UNC13C: variants seen among roughly 807,000 people sequenced by gnomAD.
The protein encoded by UNC13C is protein unc-13 homolog C.
UNC13C carries 174 observed loss-of-function variants against 245.4 expected under a neutral mutation model. The observed-to-expected ratio is 0.71, with a 90% CI of 0.63 to 0.80. The LOEUF is 0.80. UNC13C is among the 30% of genes least tolerant of loss of function. UNC13C has a pLI of 0.00. For synonymous variants in UNC13C, 992 were observed against 895.1 expected (o/e 1.11, Z -1.93); for missense variants, 2,829 against 2,602.9 (o/e 1.09, Z -1.89).
At chr15:54,130,771 G>T (rs2031369286) in intron 2 of UNC13C, among the ~76,000 whole-genome samples, 1 of 152,088 alleles carries the variant, frequency 6.6e-6, no homozygotes, top group South Asian at 2.1e-4. Context: ...CACTTCCGTA[G>T]TTAATTCTTA....
chr15:54,403,195 C>G (rs2040222362), intron 18 of UNC13C, among the ~76,000 whole-genome samples: 1 of 152,166 alleles, frequency 6.6e-6, no homozygotes, highest in African/African-American at 2.4e-5. Flanking sequence ...TGGCCATCTC[C>G]AACTCCTTTG....
chr15:54,455,975 A>C (rs1891499390), intron 19 of UNC13C, among the ~76,000 whole-genome samples: 1 of 152,080 alleles, frequency 6.6e-6, no homozygotes, highest in Non-Finnish European at 1.5e-5. Flanking sequence ...TTCTGATGTT[A>C]TCTTCTAGAA....
intron 2 of UNC13C, among the ~76,000 whole-genome samples, chr15:54,084,789 C>T (rs569316007): frequency 3.3e-5 from 5 of 152,298 alleles, no homozygotes; most frequent in Non-Finnish European, 7.4e-5. Flanking sequence ...ACTCTCTTCT[C>T]ATATAGATGA....
At chr15:54,167,319 G>A (rs1263848398) in intron 4 of UNC13C, among the ~76,000 whole-genome samples, 1 of 151,824 alleles carries the variant, frequency 6.6e-6, no homozygotes, top group Non-Finnish European at 1.5e-5. Context: ...TGGCTGACAT[G>A]GTGAAACCCC....
chr15:54,555,800 A>C (rs1897065977), intron 29 of UNC13C, among the ~76,000 whole-genome samples: 1 of 152,122 alleles, frequency 6.6e-6, no homozygotes, highest in South Asian at 2.1e-4. Context: ...TCTCTAAAGC[A>C]TAAGTGAAAC....
chr15:54,367,276 A>T (rs1156926764), intron 17 of UNC13C, among the ~76,000 whole-genome samples: 3 of 152,162 alleles, frequency 2.0e-5, no homozygotes, highest in Non-Finnish European at 4.4e-5. Context: ...CTCATTAAAA[A>T]GGTAGTAGCT....
At chr15:53,963,223 T>C in the UNC13C span, among the ~76,000 whole-genome samples, 1 of 152,196 alleles carries the variant, frequency 6.6e-6, no homozygotes, top group African/African-American at 2.4e-5. Context: ...CACAATTATT[T>C]TGGGGGCCTT....
intron 2 of UNC13C, among the ~76,000 whole-genome samples, chr15:54,107,627 T>A (rs946318640): frequency 3.9e-5 from 6 of 152,218 alleles, no homozygotes; most frequent in Non-Finnish European, 5.9e-5. Context: ...TGGACTTCAA[T>A]TGATGCTGCT....
chr15:54,084,034 T>G (rs72740374), intron 2 of UNC13C, among the ~76,000 whole-genome samples: 5 of 152,328 alleles, frequency 3.3e-5, no homozygotes, highest in African/African-American at 1.2e-4. Context: ...CCCAACAGTT[T>G]GGCAGGCAGC....
chr15:54,139,370 G>T (rs2031901846), intron 2 of UNC13C, among the ~76,000 whole-genome samples: 2 of 151,966 alleles, frequency 1.3e-5, no homozygotes, highest in South Asian at 4.2e-4. Flanking sequence ...TCTAAACAAG[G>T]CCACATTGTG....
At chr15:54,284,613 A>ATGTGCACACT (rs1392296116) in intron 10 of UNC13C, among the ~76,000 whole-genome samples, 1 of 145,420 alleles carries the variant, frequency 6.9e-6, no homozygotes, top group Non-Finnish European at 1.5e-5. Context: ...CCACGAGCAC[A>ATGTGCACACT]TGTGCACACT....
chr15:54,240,539 C>T (rs16974354), intron 7 of UNC13C, among the ~76,000 whole-genome samples: 24,275 of 152,104 alleles, frequency 0.16, 2,403 homozygotes, highest in African/African-American at 0.27. Context: ...TTTCCAAGGA[C>T]AGAACAGACA....
chr15:54,052,770 G>A (rs901904866), intron 2 of UNC13C, among the ~76,000 whole-genome samples: 18 of 152,100 alleles, frequency 1.2e-4, no homozygotes, highest in African/African-American at 3.9e-4. Flanking sequence ...TATTTATTTA[G>A]TTAGTTAGTT....
chr15:54,394,458 A>G (rs1176985130), intron 18 of UNC13C, among the ~76,000 whole-genome samples: 1 of 151,712 alleles, frequency 6.6e-6, no homozygotes, highest in African/African-American at 2.4e-5. Context: ...AATCTATAAC[A>G]TGTCGTCATC....
rs767679628 is a variant in UNC13C, at chr15:54,014,567, A to G, written c.1664A>G (p.Lys555Arg). ...AGTCGTTCTGAATCAGATTTTTCCAAATTGTGTCAGTCTTACTCAGAAGAT... is the reference window on the plus strand; with the variant it reads ...AGTCGTTCTGAATCAGATTTTTCCAGATTGTGTCAGTCTTACTCAGAAGAT... ...KLSRSESDFS[K>R]LCQSYSEDFS... The change falls in exon 2 of 33, where the codon AAA (lysine) becomes AGA (arginine). Residue 555 changes from lysine to arginine, a missense_variant. By Grantham distance (26) the Lys-to-Arg change is conservative. Transcript: ENST00000260323. The G allele has an allele frequency of 6.2e-7, 1 of 1,613,742 alleles. No individual in the cohort carries two copies. Among genetic ancestry groups the G allele is most frequent in the Non-Finnish European group, 8.5e-7 (1 of 1,179,820 alleles).
chr15:54,425,400 G>T (rs1386571368), intron 19 of UNC13C, among the ~76,000 whole-genome samples: 2 of 151,820 alleles, frequency 1.3e-5, no homozygotes, highest in Non-Finnish European at 1.5e-5. Context: ...AGAATTCACA[G>T]TACAGGTGAA....
intron 9 of UNC13C, among the ~76,000 whole-genome samples, chr15:54,264,690 A>T (rs1355100155): frequency 6.6e-6 from 1 of 151,820 alleles, no homozygotes; most frequent in East Asian, 1.9e-4. Context: ...CCAGTGATAA[A>T]TTATAACAGT....
the UNC13C span, chr15:53,947,832 C>T: frequency 6.6e-6 from 1 of 152,124 alleles, no homozygotes; most frequent in Non-Finnish European, 1.5e-5. Flanking sequence ...ACTCTTTAGG[C>T]TTCACTGTAG....
chr15:53,976,775 T>C (rs1376354754), upstream of UNC13C: 3 of 152,222 alleles, frequency 2.0e-5, no homozygotes, highest in Non-Finnish European at 4.4e-5. Context: ...TACCTTATTC[T>C]GGGTGCTAGG....
Sources: allele counts gnomAD v4.1 joint callset (sites outside exome capture counted in the v4.1 genomes callset), GRCh38; gene constraint gnomAD v4.1.1; transcripts MANE v1.5; gene names NCBI Gene and HGNC (gene_info 2026-07-23, HGNC 2026-07-21).